Variants in PCDHA1 observed in about 807,000 individuals in gnomAD.
PCDHA1 encodes protocadherin alpha-1.
PCDHA1 carries 42 observed loss-of-function variants against 61.3 expected under a neutral mutation model. That is an observed-to-expected ratio of 0.69 (90% confidence interval 0.54 to 0.89). The LOEUF is 0.89. Ranked by LOEUF, PCDHA1 falls within the 40% of genes least tolerant of loss-of-function variation. The probability of loss-of-function intolerance (pLI) is 0.00; values close to 1 mark genes in which losing one functional copy is unlikely to be tolerated. For synonymous variants in PCDHA1, 610 were observed against 553.8 expected (o/e 1.10, Z -1.43); for missense variants, 1,256 against 1,235.3 (o/e 1.02, Z -0.25).
chr5:140,986,736 A>C (rs1056820843), intron 3 of PCDHA1, among the ~76,000 whole-genome samples: 1 of 152,206 alleles, frequency 6.6e-6, no homozygotes, highest in South Asian at 2.1e-4. Context: ...TCAAGACCCC[A>C]GGGGATCTGG....
chr5:140,856,427 G>A lies in PCDHA1; in HGVS notation c.2394+67743G>A, dbSNP rs782109045. ...GGACGTGGAAGTGAAGGACATTAAC[G>A]ACAACCCGCCCAGGTTCTCCGTAAC... On this transcript the variant is annotated intron_variant, in intron 1 of 3. Coordinates refer to ENST00000504120, the MANE Select transcript of PCDHA1 (RefSeq NM_018900.4). The A allele has an allele frequency of 9.4e-6, 15 of 1,598,250 alleles. 1 individual carries two copies. Among genetic ancestry groups the A allele is most frequent in the Non-Finnish European group, 1.3e-5 (15 of 1,167,914 alleles).
chr5:141,007,079 TAGAGA>T (rs1308407580), intron 3 of PCDHA1, among the ~76,000 whole-genome samples: 1 of 151,804 alleles, frequency 6.6e-6, no homozygotes, highest in African/African-American at 2.4e-5. Flanking sequence ...GAAGAGAAAA[TAGAGA>T]AGAGAGTCTA....
At chr5:140,833,974 G>C (rs2150212572) in intron 1 of PCDHA1, among the ~76,000 whole-genome samples, 27 of 152,106 alleles carry the variant, frequency 1.8e-4, no homozygotes, top group Non-Finnish European at 3.5e-4. Context: ...TGAAAAAAAA[G>C]TTTTTCTAAG....
chr5:140,796,578 G>T, intron 1 of PCDHA1: 1 of 1,613,328 alleles, frequency 6.2e-7, no homozygotes, highest in Middle Eastern at 1.7e-4. Flanking sequence ...TGAGCGCGCG[G>T]GATGCGGGCG....
At chr5:140,878,731 A>G (rs1037542413) in intron 1 of PCDHA1, among the ~76,000 whole-genome samples, 3 of 152,370 alleles carry the variant, frequency 2.0e-5, no homozygotes, top group South Asian at 4.1e-4. Flanking sequence ...TTCCAGCCTT[A>G]TATCTACTTT....
intron 1 of PCDHA1, among the ~76,000 whole-genome samples, chr5:140,946,570 C>G (rs1488950892): frequency 7.2e-6 from 1 of 138,492 alleles, no homozygotes; most frequent in Non-Finnish European, 1.5e-5. Context: ...ATAGAATCAA[C>G]TTAGGTGTTC....
intron 1 of PCDHA1, chr5:140,884,062 C>T (rs1328958684): frequency 8.7e-6 from 14 of 1,613,496 alleles, no homozygotes; most frequent in Non-Finnish European, 1.2e-5. Context: ...GCGCGGTGGA[C>T]GCCGATTCGG....
At chr5:140,976,248 T>G (rs1476905185) in intron 1 of PCDHA1, among the ~76,000 whole-genome samples, 5 of 152,032 alleles carry the variant, frequency 3.3e-5, no homozygotes, top group African/African-American at 9.7e-5. Context: ...TCATGTAAAT[T>G]TATTTAAAAC....
In PCDHA1 at chr5:140,870,598, G is replaced by A. The variant is rs1273087028; in HGVS notation, c.2394+81914G>A. On this transcript the variant is annotated intron_variant, in intron 1 of 3. Transcript: ENST00000504120. Reference sequence around the variant, plus strand: ...CTACTCGCTGGTGGAGCGGCGGTTGGGCGACCGCGCGCTGTCGAGCTACGT... The same window carrying A: ...CTACTCGCTGGTGGAGCGGCGGTTGAGCGACCGCGCGCTGTCGAGCTACGT... The A allele has an allele frequency of 3.7e-6, 6 of 1,613,282 alleles. No individual in the cohort carries two copies. The African/African-American group carries it at 8.0e-5, about 22-fold the overall frequency.
At position 140,828,520 on chromosome 5, in the gene PCDHA1, C is replaced by T. The variant is rs2150156351; in HGVS notation, c.2394+39836C>T. On this transcript the variant is annotated intron_variant, in intron 1 of 3. Coordinates refer to ENST00000504120, the MANE Select transcript of PCDHA1 (RefSeq NM_018900.4). ...TAGAGGAACAAAGAGTGCTGATTTA[C>T]GAATCTAGGCTGCCAGATTCTGTGT... 3.1e-6 allele frequency: 5 copies of T among 1,614,196 alleles called. No individual in the cohort carries two copies. In the African/African-American group the frequency reaches 4.0e-5, roughly 13 times the overall value.
intron 1 of PCDHA1, chr5:140,884,559 C>A (rs782174598): frequency 6.2e-7 from 1 of 1,614,094 alleles, no homozygotes; most frequent in South Asian, 1.1e-5. Flanking sequence ...GGGGAGGGCC[C>A]GCATAAGACG....
chr5:140,896,404 G>T (rs1003824556), intron 1 of PCDHA1, among the ~76,000 whole-genome samples: 4 of 151,996 alleles, frequency 2.6e-5, no homozygotes, highest in Admixed American at 2.6e-4. Context: ...TGTTATTTTT[G>T]ACTTTTTAGT....
At position 140,787,331 on chromosome 5, in the gene PCDHA1, T is replaced by C. The variant is rs1554117770; in HGVS notation, c.1041T>C (p.Ala347=). 6.2e-7 allele frequency: 1 copy of C among 1,614,198 alleles called. No individual in the cohort carries two copies. Among genetic ancestry groups the C allele is most frequent in the Admixed American group, 1.7e-5 (1 of 60,030 alleles). ...AAGTGCTGGATGTAAATGATAATGC[T>C]CCAGAACTGGCGGTCACTTCATTGT... The part of the protein sequence containing the change: ...LVKVLDVNDN[A]PELAVTSLYL... The change falls in exon 1 of 4, where the codon GCT becomes GCC. Residue 347 remains alanine, a synonymous_variant. Transcript: ENST00000504120.
rs2042755048 is a variant in PCDHA1 at position 140,853,453 on chromosome 5, C to A, written c.2394+64769C>A. ...CTTTCCTATTTTGCCTAATAGGTCTCCTTATATGCATCTGTAGTTAACATT... is the reference window on the plus strand; with the variant it reads ...CTTTCCTATTTTGCCTAATAGGTCTACTTATATGCATCTGTAGTTAACATT... On this transcript the variant is annotated intron_variant, in intron 1 of 3. Coordinates refer to ENST00000504120, the MANE Select transcript of PCDHA1 (RefSeq NM_018900.4). 4 of 976,644 alleles carry A rather than the reference C, an allele frequency of 4.1e-6. 1 individual carries two copies. The Admixed American group carries it at 2.5e-4, about 62-fold the overall frequency. 60.5% of individuals were successfully genotyped at this position (976,644 alleles called of 1,614,324 possible). A position where few individuals can be genotyped will look rare whatever the true frequency, so the allele number is the denominator to read the frequency against.
At chr5:140,993,543 G>C (rs1263683239) in intron 3 of PCDHA1, among the ~76,000 whole-genome samples, 1 of 151,590 alleles carries the variant, frequency 6.6e-6, no homozygotes, top group Non-Finnish European at 1.5e-5. Context: ...GAGAGATAGA[G>C]AAGTGAAGTA....
intron 1 of PCDHA1, chr5:140,928,844 C>G (rs782361945): frequency 6.2e-7 from 1 of 1,614,168 alleles, no homozygotes; most frequent in Admixed American, 1.7e-5. Context: ...TCCTCTGTCA[C>G]TCTGGGTGTG....
chr5:140,909,711 A>G (rs1473634057), intron 1 of PCDHA1, among the ~76,000 whole-genome samples: 1 of 152,122 alleles, frequency 6.6e-6, no homozygotes, highest in Non-Finnish European at 1.5e-5. Context: ...TGCTAAGTAT[A>G]CCTATGCCAA....
chr5:140,855,777 G>T (rs1004478743), intron 1 of PCDHA1: 3 of 402,200 alleles, frequency 7.5e-6, no homozygotes, highest in Non-Finnish European at 1.3e-5. Context: ...ATAAAAATAC[G>T]TAAAAAAAGA....
intron 1 of PCDHA1, chr5:140,836,020 G>A (rs1267674995): frequency 2.5e-6 from 4 of 1,613,464 alleles, no homozygotes; most frequent in Admixed American, 3.3e-5. Flanking sequence ...CCGCCTCTGG[G>A]CAGCAACGTG....
Sources: gnomAD v4.1 joint callset for allele counts (sites outside exome capture counted in the v4.1 genomes callset) on GRCh38, gnomAD v4.1.1 for gene constraint, MANE v1.5 for transcripts, NCBI Gene and HGNC (gene_info 2026-07-23, HGNC 2026-07-21) for gene names.